Variants in C8orf34 observed in about 807,000 individuals in gnomAD.
The protein encoded by C8orf34 is chromosome 8 open reading frame 34, also known as uncharacterized protein C8orf34.
A neutral mutation model predicts 68.3 loss-of-function variants in C8orf34; 65 were observed. The observed-to-expected ratio is 0.95, with a 90% CI of 0.78 to 1.17. The LOEUF is 1.17. Ranked by LOEUF, C8orf34 falls within the 50% of genes most tolerant of loss-of-function variation. The pLI is 0.00. For synonymous variants in C8orf34, 244 were observed against 241.2 expected (o/e 1.01, Z -0.11); for missense variants, 664 against 655.4 (o/e 1.01, Z -0.14).
chr8:68,404,087 ATC>A (rs1192341745), intron 1 of C8orf34, among the ~76,000 whole-genome samples: 1 of 152,194 alleles, frequency 6.6e-6, no homozygotes, highest in Non-Finnish European at 1.5e-5. Context: ...GTGAGATGGT[ATC>A]TCATTGTGGT....
chr8:68,515,382 C>CTT (rs368541535), intron 5 of C8orf34, among the ~76,000 whole-genome samples: 1 of 138,474 alleles, frequency 7.2e-6, no homozygotes. Flanking sequence ...TCTTTTTTTT[C>CTT]TTTTTTTTTT....
chr8:68,698,550 C>T (rs915481497), intron 8 of C8orf34, among the ~76,000 whole-genome samples: 3 of 151,974 alleles, frequency 2.0e-5, no homozygotes, highest in Non-Finnish European at 2.9e-5. Flanking sequence ...TTTTTCACCA[C>T]GTACATATGT....
intron 9 of C8orf34, among the ~76,000 whole-genome samples, chr8:68,713,087 G>C (rs1821369989): frequency 1.3e-5 from 2 of 152,038 alleles, no homozygotes; most frequent in African/African-American, 4.8e-5. Flanking sequence ...GGTCAACAAG[G>C]AAATCAAGAT....
intron 8 of C8orf34, among the ~76,000 whole-genome samples, chr8:68,666,229 T>C (rs1360737184): frequency 1.3e-5 from 2 of 152,030 alleles, no homozygotes; most frequent in African/African-American, 2.4e-5. Flanking sequence ...CTAACAACAA[T>C]GTTAGGGTAA....
At chr8:68,744,711 C>A (rs1289162584) in intron 10 of C8orf34, among the ~76,000 whole-genome samples, 3 of 152,094 alleles carry the variant, frequency 2.0e-5, no homozygotes, top group African/African-American at 4.8e-5. Context: ...ACGAGCAAAG[C>A]CTCCAAGAAA....
intron 7 of C8orf34, among the ~76,000 whole-genome samples, chr8:68,597,168 C>T (rs1006075106): frequency 1.2e-4 from 18 of 152,084 alleles, no homozygotes; most frequent in East Asian, 7.8e-4. Flanking sequence ...GGATGTCAGA[C>T]GAATCTCCTC....
intron 8 of C8orf34, among the ~76,000 whole-genome samples, chr8:68,660,127 C>T (rs1382142821): frequency 6.6e-6 from 1 of 152,044 alleles, no homozygotes; most frequent in Non-Finnish European, 1.5e-5. Flanking sequence ...GACACAGTTA[C>T]CCATCTGTGA....
intron 2 of C8orf34, among the ~76,000 whole-genome samples, chr8:68,441,224 G>C (rs1810897535): frequency 6.6e-6 from 1 of 152,112 alleles, no homozygotes; most frequent in African/African-American, 2.4e-5. Flanking sequence ...GTGTTGGCTG[G>C]GTTACATTCT....
At chr8:68,461,935 T>G (rs1168065116) in intron 3 of C8orf34, among the ~76,000 whole-genome samples, 3 of 152,078 alleles carry the variant, frequency 2.0e-5, no homozygotes, top group African/African-American at 7.2e-5. Flanking sequence ...AATTCACACA[T>G]AACAATATTA....
At chr8:68,421,472 A>C (rs917157853) in intron 1 of C8orf34, among the ~76,000 whole-genome samples, 1 of 152,232 alleles carries the variant, frequency 6.6e-6, no homozygotes, top group Non-Finnish European at 1.5e-5. Flanking sequence ...GAAAAAACCT[A>C]GTGGCAAGCC....
intron 12 of C8orf34, among the ~76,000 whole-genome samples, chr8:68,801,895 T>C (rs140617765): frequency 6.9e-6 from 1 of 145,500 alleles, no homozygotes; most frequent in South Asian, 2.2e-4. Flanking sequence ...ATGCAGTAAT[T>C]AAAAAAAAAA....
intron 4 of C8orf34, among the ~76,000 whole-genome samples, chr8:68,469,631 A>G (rs1301390112): frequency 1.3e-5 from 2 of 151,962 alleles, no homozygotes; most frequent in African/African-American, 4.8e-5. Context: ...GGTTCCCTTA[A>G]GTTTTTCTCA....
intron 1 of C8orf34, among the ~76,000 whole-genome samples, chr8:68,397,702 A>G (rs1272148203): frequency 6.6e-6 from 1 of 152,080 alleles, no homozygotes; most frequent in Non-Finnish European, 1.5e-5. Context: ...TACGTTTGAA[A>G]CAATCTGTTG....
chr8:68,578,734 C>A (rs16934717), intron 7 of C8orf34, among the ~76,000 whole-genome samples: 4 of 151,592 alleles, frequency 2.6e-5, no homozygotes, highest in African/African-American at 7.3e-5. Context: ...TATTTTGCCA[C>A]TAGTACATAA....
intron 10 of C8orf34, among the ~76,000 whole-genome samples, chr8:68,768,801 C>T (rs143755890): frequency 5.9e-5 from 9 of 152,170 alleles, no homozygotes; most frequent in East Asian, 1.9e-4. Context: ...GTCTTTGTGC[C>T]GGCAACTGCA....
chr8:68,456,086 A>T (rs893914269), intron 3 of C8orf34, among the ~76,000 whole-genome samples: 5 of 146,710 alleles, frequency 3.4e-5, no homozygotes, highest in African/African-American at 1.3e-4. Flanking sequence ...TCTACTAAAA[A>T]TCCAAAAAAA....
At chr8:68,678,693 T>C (rs1820268049) in intron 8 of C8orf34, among the ~76,000 whole-genome samples, 1 of 152,072 alleles carries the variant, frequency 6.6e-6, no homozygotes, top group Non-Finnish European at 1.5e-5. Flanking sequence ...ACAGCAAGGA[T>C]GCCCAGTTTC....
intron 4 of C8orf34, among the ~76,000 whole-genome samples, chr8:68,479,606 T>C (rs1271971347): frequency 6.6e-6 from 1 of 152,074 alleles, no homozygotes; most frequent in Non-Finnish European, 1.5e-5. Context: ...CAAATGGATA[T>C]AAGTGCACTT....
At position 68,510,255 on chromosome 8, in the gene C8orf34, A is replaced by G. The variant is rs185051551; in HGVS notation, c.766-11544A>G. On this transcript the variant is annotated intron_variant, in intron 5 of 13. Coordinates refer to ENST00000518698, the MANE Select transcript of C8orf34 (RefSeq NM_052958.4). ...TGCAAGGGAGAGGAAAGGATGTCTT[A>G]TGATATACCCAGAAAACTGGTAACT... is the stretch of plus-strand genomic sequence containing the variant. Among the ~76,000 whole-genome samples the G allele has an allele frequency of 6.9e-4, 105 of 152,298 alleles. 1 individual carries two copies. Among genetic ancestry groups the G allele is most frequent in the African/African-American group, 2.4e-3 (98 of 41,564 alleles).
Sources: gnomAD v4.1 joint callset for allele counts (sites outside exome capture counted in the v4.1 genomes callset) on GRCh38, gnomAD v4.1.1 for gene constraint, MANE v1.5 for transcripts, NCBI Gene and HGNC (gene_info 2026-07-23, HGNC 2026-07-21) for gene names.